YPEL2: variants seen among roughly 807,000 people sequenced by gnomAD.
YPEL2 encodes the protein yippee like 2, also known as protein yippee-like 2.
In YPEL2, 2 loss-of-function variants were observed where a neutral mutation model predicts 19.1. That is an observed-to-expected ratio of 0.10 (90% CI 0.04 to 0.33). The LOEUF (loss-of-function observed/expected upper bound fraction) is 0.33, where lower values mean the gene tolerates loss of function less well. YPEL2 is among the 10% of genes least tolerant of loss of function. YPEL2 has a pLI of 1.00. For missense variants in YPEL2, 66 were observed against 140.7 expected (o/e 0.47, Z 2.68); for synonymous variants, 52 against 50.0 (o/e 1.04, Z -0.17).
chr17:59,353,510 A>C lies in YPEL2; in HGVS notation c.101A>C (p.Asp34Ala), dbSNP rs201293387. 1 of 1,614,004 alleles carries C rather than the reference A, an allele frequency of 6.2e-7. No individual in the cohort carries two copies. Among genetic ancestry groups the C allele is most frequent in the East Asian group, 2.2e-5 (1 of 44,892 alleles). ...IHCRAHLANH[D>A]ELISKSFQGS... ...TGCAGAGCTCACTTGGCCAATCATG[A>C]TGAACTAATTTCCAAGGTACACATT... Residue 34 changes from aspartate to alanine, a missense_variant, in exon 2 of 5, where the codon GAT (aspartate) becomes GCT (alanine). Coordinates refer to ENST00000312655, the MANE Select transcript of YPEL2 (RefSeq NM_001005404.4). This position sits in a 1 kb window ranked among gnomAD's most constrained non-coding sequence, Gnocchi z 4.8.
At chr17:59,359,587 G>A (rs1325578073) in intron 2 of YPEL2, among the ~76,000 whole-genome samples, 2 of 152,084 alleles carry the variant, frequency 1.3e-5, no homozygotes, top group Non-Finnish European at 1.5e-5. Flanking sequence ...TATCTAATTT[G>A]CAAAATAGGT....
At chr17:59,345,162 A>G (rs2047749881) in intron 1 of YPEL2, 1 of 152,248 alleles carries the variant, frequency 6.6e-6, no homozygotes, top group African/African-American at 2.4e-5. Context: ...AGGATTCGGC[A>G]GGCAGAGCAT....
At chr17:59,378,825 T>A (rs1157451969) in intron 2 of YPEL2, among the ~76,000 whole-genome samples, 1 of 152,130 alleles carries the variant, frequency 6.6e-6, no homozygotes, top group African/African-American at 2.4e-5. Flanking sequence ...AATGTGTGAG[T>A]GCTTGGAGAC....
chr17:59,390,401 C>G (rs1203716127), intron 4 of YPEL2, among the ~76,000 whole-genome samples: 1 of 152,170 alleles, frequency 6.6e-6, no homozygotes, highest in Non-Finnish European at 1.5e-5. Context: ...CTTGGCCTCC[C>G]AAAGTGCTGG....
rs548963759 is a variant in YPEL2, at chr17:59,361,309, G to A, written c.117+7783G>A. The stretch of plus-strand genomic sequence containing the variant: ...AATTACGTACTCTGTGTGTGTGTGC[G>A]CGTGCATGCACATAGCACTATTCTA... On this transcript the variant is annotated intron_variant, in intron 2 of 4. Transcript: ENST00000312655. Among the ~76,000 whole-genome samples, 35 of 152,222 alleles carry A rather than the reference G, an allele frequency of 2.3e-4. 1 individual carries two copies. The South Asian group carries it at 4.3e-3, about 19-fold the overall frequency.
chr17:59,334,085 C>T (rs1307003800), intron 1 of YPEL2, among the ~76,000 whole-genome samples: 1 of 152,186 alleles, frequency 6.6e-6, no homozygotes, highest in Non-Finnish European at 1.5e-5. Context: ...ACTGGTATCC[C>T]TCCCTCTCCA....
At chr17:59,382,869 C>G (rs1396929054) in intron 2 of YPEL2, among the ~76,000 whole-genome samples, 1 of 152,174 alleles carries the variant, frequency 6.6e-6, no homozygotes, top group East Asian at 1.9e-4. Flanking sequence ...TCTCAAACTC[C>G]TGACCTCAAG....
intron 1 of YPEL2, among the ~76,000 whole-genome samples, chr17:59,335,694 G>A (rs547685729): frequency 2.6e-5 from 4 of 151,912 alleles, no homozygotes; most frequent in African/African-American, 7.2e-5. Context: ...GATTACAGGC[G>A]CACCCCACCA....
At chr17:59,335,001 C>G (rs571522080) in intron 1 of YPEL2, among the ~76,000 whole-genome samples, 2 of 152,184 alleles carry the variant, frequency 1.3e-5, no homozygotes, top group Non-Finnish European at 2.9e-5. Flanking sequence ...TTGGCATTTC[C>G]TTAGGGTTTG....
At chr17:59,344,405 C>T (rs1319584440) in intron 1 of YPEL2, among the ~76,000 whole-genome samples, 2 of 152,164 alleles carry the variant, frequency 1.3e-5, no homozygotes, top group East Asian at 3.9e-4. Context: ...ACAGTAAAGC[C>T]CATTAAGGAG....
intron 1 of YPEL2, among the ~76,000 whole-genome samples, chr17:59,338,995 C>G (rs1258600109): frequency 6.6e-6 from 1 of 152,240 alleles, no homozygotes; most frequent in African/African-American, 2.4e-5. Flanking sequence ...CTTGATCCCT[C>G]TGGCAGGAGC....
At chr17:59,366,538 GCCCAGC>G (rs2059925897) in intron 2 of YPEL2, among the ~76,000 whole-genome samples, 1 of 152,170 alleles carries the variant, frequency 6.6e-6, no homozygotes, top group Non-Finnish European at 1.5e-5. Context: ...GCCTGAGCTA[GCCCAGC>G]CGAGTCGGGC....
At chr17:59,334,427 A>C (rs893848983) in intron 1 of YPEL2, among the ~76,000 whole-genome samples, 1 of 151,472 alleles carries the variant, frequency 6.6e-6, no homozygotes, top group Non-Finnish European at 1.5e-5. Flanking sequence ...GTCTACCATC[A>C]GGTCTTAATA....
Position 59,353,994 on chromosome 17 carries a change from AAAAGTGG to A in YPEL2, c.117+469_117+475del. On this transcript the variant is annotated intron_variant, in intron 2 of 4. Transcript: ENST00000312655. The surrounding 1 kb of genome is among the most constrained non-coding windows in gnomAD (Gnocchi z 4.8). ...AAATGGGTGGCTTTTGGCAGGGACC[AAAAGTGG>A]CTTGTTGAAGAGCTGACCTTCTGGC... The A allele has an allele frequency of 7.7e-6, 2 of 259,464 alleles. No individual in the cohort carries two copies. Among genetic ancestry groups the A allele is most frequent in the South Asian group, 4.4e-5 (1 of 22,840 alleles). 16.1% of individuals were successfully genotyped at this position (259,464 alleles called of 1,614,324 possible).
chr17:59,361,970 A>G lies in YPEL2; in HGVS notation c.117+8444A>G, dbSNP rs138457550. Among the ~76,000 whole-genome samples, 146 of 152,346 alleles carry G rather than the reference A, an allele frequency of 9.6e-4. 1 individual carries two copies. The highest frequency in any genetic ancestry group is 3.4e-3 in the African/African-American group (141 of 41,578). On this transcript the variant is annotated intron_variant, in intron 2 of 4. Transcript: ENST00000312655. Reference sequence around the variant, plus strand: ...CAGCCGTTCTTTGGGGTAGAGGTTGAAAAACTGTGAAAACATTAAAGGTGT... The same window carrying G: ...CAGCCGTTCTTTGGGGTAGAGGTTGGAAAACTGTGAAAACATTAAAGGTGT...
chr17:59,333,775 AGTTT>A (rs1006914955), intron 1 of YPEL2, among the ~76,000 whole-genome samples: 2 of 152,320 alleles, frequency 1.3e-5, no homozygotes, highest in African/African-American at 4.8e-5. Flanking sequence ...GTTTAAAAAT[AGTTT>A]GTCAGGCTAC....
At chr17:59,368,089 C>G (rs2047879269) in intron 2 of YPEL2, among the ~76,000 whole-genome samples, 1 of 151,970 alleles carries the variant, frequency 6.6e-6, no homozygotes, top group Admixed American at 6.6e-5. Flanking sequence ...GGATGAAATT[C>G]TCTTTTTTTT....
At chr17:59,369,279 CTT>C (rs773799847) in intron 2 of YPEL2, among the ~76,000 whole-genome samples, 46 of 152,302 alleles carry the variant, frequency 3.0e-4, no homozygotes, top group Non-Finnish European at 5.1e-4. Flanking sequence ...CTTCTGCAGT[CTT>C]TATGTATTTA....
At chr17:59,372,911 T>A (rs1247754666) in intron 2 of YPEL2, among the ~76,000 whole-genome samples, 2 of 152,264 alleles carry the variant, frequency 1.3e-5, no homozygotes, top group Non-Finnish European at 2.9e-5. Context: ...ATGGGCTCTG[T>A]TGCCCAGTCT....
Sources: gnomAD v4.1 joint callset for allele counts (sites outside exome capture counted in the v4.1 genomes callset) on GRCh38, gnomAD v4.1.1 for gene constraint, Gnocchi (gnomAD v3.1) non-coding constraint, MANE v1.5 for transcripts, NCBI Gene and HGNC (gene_info 2026-07-23, HGNC 2026-07-21) for gene names.